The following UGT8 variants were observed in gnomAD, a reference collection of about 807,000 sequenced individuals.
UGT8 encodes 2-hydroxyacylsphingosine 1-beta-galactosyltransferase.
UGT8 carries 12 observed loss-of-function variants against 40.5 expected under a neutral mutation model. The observed-to-expected ratio is 0.30, with a 90% CI of 0.19 to 0.48. The LOEUF is 0.48. Among genes scored for constraint, UGT8 ranks in the 20% least tolerant of loss-of-function variants. The pLI is 0.99. For synonymous variants in UGT8, 224 were observed against 240.4 expected (o/e 0.93, Z 0.63); for missense variants, 513 against 648.7 (o/e 0.79, Z 2.27).
chr4:114,606,681 A>G (rs2126085348), intron 1 of UGT8, among the ~76,000 whole-genome samples: 1 of 152,320 alleles, frequency 6.6e-6, no homozygotes, highest in South Asian at 2.1e-4. Context: ...ATGTATCTTA[A>G]TGGAGATAAA....
Position 114,623,242 on chromosome 4 carries a change from A to G in UGT8, c.362A>G (p.His121Arg). 2 of 1,614,200 alleles carry G rather than the reference A, an allele frequency of 1.2e-6. No homozygotes were observed. Among genetic ancestry groups the G allele is most frequent in the Non-Finnish European group, 1.7e-6 (2 of 1,180,026 alleles). ...AACTGTGACCTGATGGTTGGCAACC[A>G]TGCCCTGATCCAGGGTCTGAAGAAA... ...TKNCDLMVGNHALIQGLKKEK... is the reference protein window; with the variant it reads ...TKNCDLMVGNRALIQGLKKEK... The change falls in exon 2 of 6, where the codon CAT becomes CGT. Residue 121 changes from histidine (H) to arginine (R), a missense_variant. Physicochemically the swap from His to Arg is conservative, Grantham distance 29 (BLOSUM62 0). Transcript: ENST00000310836.
At position 114,628,143 on chromosome 4, in the gene UGT8, T is replaced by A. The variant is rs878999492; in HGVS notation, c.822+4441T>A. Among the ~76,000 whole-genome samples, 16 of 152,128 alleles carry A rather than the reference T, an allele frequency of 1.1e-4. No individual in the cohort carries two copies. The East Asian group carries it at 2.7e-3, about 26-fold the overall frequency. On this transcript the variant is annotated intron_variant, in intron 2 of 5. Transcript: ENST00000310836. ...ATGCTAAGTTGTTGAGTTTTTTTTT[T>A]AATTTTTATTTTTTGAGATGGAGTC...
chr4:114,600,406 CA>C (rs950509759), intron 1 of UGT8, among the ~76,000 whole-genome samples: 2 of 152,100 alleles, frequency 1.3e-5, no homozygotes, highest in Non-Finnish European at 2.9e-5. Context: ...ATTTCATGTT[CA>C]AAAACGTCTA....
intron 1 of UGT8, among the ~76,000 whole-genome samples, chr4:114,620,990 A>G (rs752846998): frequency 6.6e-6 from 1 of 152,160 alleles, no homozygotes; most frequent in South Asian, 2.1e-4. Context: ...TGCATGAGCA[A>G]TTGTTTAGAT....
At chr4:114,637,215 A>G (rs1732938702) in intron 2 of UGT8, among the ~76,000 whole-genome samples, 1 of 152,128 alleles carries the variant, frequency 6.6e-6, no homozygotes, top group Admixed American at 6.6e-5. Context: ...GTAAGGCAGC[A>G]TTTTCATCTG....
At chr4:114,623,804 C>T (rs1015314235) in intron 2 of UGT8, 102 bp downstream of exon 2, 23 of 1,379,716 alleles carry the variant, frequency 1.7e-5, no homozygotes, top group Non-Finnish European at 1.9e-5. Context: ...TGTATATATA[C>T]AGTACACTAA....
rs545192003 is a variant in UGT8, at chr4:114,603,458, A to G, written c.-3+4484A>G. On this transcript the variant is annotated intron_variant, in intron 1 of 5. Transcript: ENST00000310836. ...TTAATAGGGAAACAGAGGCCTGGGGAGATCCTAAAATTTAAGAGTTGGGTA... is the reference window on the plus strand; with the variant it reads ...TTAATAGGGAAACAGAGGCCTGGGGGGATCCTAAAATTTAAGAGTTGGGTA... Among the ~76,000 whole-genome samples, 364 of 152,302 alleles carry G rather than the reference A, an allele frequency of 2.4e-3. 2 individuals are homozygous for G. Among genetic ancestry groups the G allele is most frequent in the African/African-American group, 8.4e-3 (349 of 41,560 alleles).
chr4:114,623,526 G>T lies in UGT8; in HGVS notation c.646G>T (p.Glu216Ter), dbSNP rs759658397. 6.2e-7 allele frequency: 1 copy of T among 1,614,116 alleles called. No homozygotes were observed. Reference sequence around the variant, plus strand: ...CAGCTTTCTGGTTCTTCCCAAATATGAAAGGATAATGCAGAAGTACAACCT... The same window carrying T: ...CAGCTTTCTGGTTCTTCCCAAATATTAAAGGATAATGCAGAAGTACAACCT... The part of the protein sequence containing the change: ...GVSFLVLPKY[E>*]RIMQKYNLLP... Residue 216 changes from glutamate (E) to a stop codon, truncating the protein, a stop_gained, in exon 2 of 6, where the codon GAA becomes TAA. Transcript: ENST00000310836. LOFTEE classifies it high-confidence loss of function.
Position 114,629,712 on chromosome 4 carries a change from A to G in UGT8, c.822+6010A>G, listed in dbSNP as rs372462674. ...ACAAAAATTTTCTAAGCAACATTGTAGTTTTTAATAGCTTGTCATCTGCTT... is the reference window on the plus strand; with the variant it reads ...ACAAAAATTTTCTAAGCAACATTGTGGTTTTTAATAGCTTGTCATCTGCTT... On this transcript the variant is annotated intron_variant, in intron 2 of 5. Coordinates refer to ENST00000310836, the MANE Select transcript of UGT8 (RefSeq NM_001128174.3). 2.5e-3 allele frequency among the ~76,000 whole-genome samples: 382 copies of G among 152,328 alleles called. 18 individuals carry two copies. The South Asian group carries it at 0.075, about 30-fold the overall frequency.
At chr4:114,656,313 G>A (rs1024351256) in intron 2 of UGT8, among the ~76,000 whole-genome samples, 3 of 152,008 alleles carry the variant, frequency 2.0e-5, no homozygotes, top group Non-Finnish European at 2.9e-5. Context: ...AAGAAAGGAG[G>A]CAGACAGATT....
At chr4:114,647,356 T>TTGTGTG (rs34575248) in intron 2 of UGT8, among the ~76,000 whole-genome samples, 21,906 of 143,078 alleles carry the variant, frequency 0.15, 2,077 homozygotes, top group South Asian at 0.21. Context: ...ATTAGCTCTT[T>TTGTGTG]TGTGTGTGTG....
intron 2 of UGT8, among the ~76,000 whole-genome samples, chr4:114,656,332 A>C (rs2126126493): frequency 6.6e-6 from 1 of 152,216 alleles, no homozygotes; most frequent in African/African-American, 2.4e-5. Flanking sequence ...TTAGCTAGCA[A>C]GACTGCCTTT....
chr4:114,676,362 T>A lies in UGT8; in HGVS notation c.*74T>A. ...TATTGCTATTATTTAGTCTAACAGC[T>A]ACTAAAAGTAAAACATCAGTAAACA... On this transcript the variant is annotated 3_prime_UTR_variant, in exon 6 of 6. Coordinates refer to ENST00000310836, the MANE Select transcript of UGT8 (RefSeq NM_001128174.3). 1.6e-6 allele frequency: 2 copies of A among 1,268,744 alleles called. No individual in the cohort carries two copies. The highest frequency in any genetic ancestry group is 2.2e-6 in the Non-Finnish European group (2 of 920,108). The allele number at this position is 1,268,744 out of a possible 1,614,324, so 78.6% of individuals were successfully genotyped here.
intron 1 of UGT8, among the ~76,000 whole-genome samples, chr4:114,615,445 G>C (rs1418716277): frequency 6.6e-6 from 1 of 152,042 alleles, no homozygotes; most frequent in African/African-American, 2.4e-5. Flanking sequence ...CCCACATCCT[G>C]GGAAACTTCC....
intron 2 of UGT8, among the ~76,000 whole-genome samples, chr4:114,652,678 T>C (rs1422302098): frequency 3.9e-5 from 6 of 152,038 alleles, no homozygotes; most frequent in Non-Finnish European, 2.9e-5. Flanking sequence ...TAAATCCAAA[T>C]TTTAGTTCCA....
At chr4:114,630,144 CT>C (rs35252705) in intron 2 of UGT8, among the ~76,000 whole-genome samples, 64,706 of 151,972 alleles carry the variant, frequency 0.43, 16,163 homozygotes, top group East Asian at 0.56. Flanking sequence ...TAAGCATGAG[CT>C]TGTGACAAAT....
chr4:114,606,445 A>G (rs1170390866), intron 1 of UGT8, among the ~76,000 whole-genome samples: 1 of 152,082 alleles, frequency 6.6e-6, no homozygotes, highest in East Asian at 1.9e-4. Flanking sequence ...TGTGTTTTAC[A>G]TAGATTTTGC....
In UGT8 at chr4:114,677,439, A is replaced by G. The variant is rs913483771; in HGVS notation, c.*1151A>G. ...AGATCTTGTTAACAAATCAGACTTTACACTATATACAGATGTGACAGATAA... is the reference window on the plus strand; with the variant it reads ...AGATCTTGTTAACAAATCAGACTTTGCACTATATACAGATGTGACAGATAA... On this transcript the variant is annotated 3_prime_UTR_variant, in exon 6 of 6. Transcript: ENST00000310836. The G allele has an allele frequency of 6.6e-6, 1 of 152,208 alleles. No individual in the cohort carries two copies. Among genetic ancestry groups the G allele is most frequent in the Non-Finnish European group, 1.5e-5 (1 of 68,048 alleles). The allele number at this position is 152,208 out of a possible 1,614,324, so 9.4% of individuals were successfully genotyped here.
rs1360619233 is a variant in UGT8, at chr4:114,668,289, T to C, written c.1247T>C (p.Val416Ala). Reference sequence around the variant, plus strand: ...GAGCTCTATGAAGCACTAGTGAAGGTTATCAATAATCCCAGGTAAGGTTTC... The same window carrying C: ...GAGCTCTATGAAGCACTAGTGAAGGCTATCAATAATCCCAGGTAAGGTTTC... The part of the protein sequence containing the change: ...EKELYEALVK[V>A]INNPSYRQRA... Residue 416 changes from valine to alanine, a missense_variant, in exon 5 of 6, where the codon GTT becomes GCT. Around this residue, in one of 3 missense-constraint regions of UGT8, gnomAD observed 175 missense variants for 186.7 expected, o/e 0.94. Transcript: ENST00000310836. The C allele has an allele frequency of 6.2e-7, 1 of 1,613,482 alleles. No individual in the cohort carries two copies. The highest frequency in any genetic ancestry group is 2.2e-5 in the East Asian group (1 of 44,832).
Sources: allele counts gnomAD v4.1 joint callset (sites outside exome capture counted in the v4.1 genomes callset), GRCh38; gene constraint gnomAD v4.1.1; regional missense constraint gnomAD v4.1.1; transcripts MANE v1.5; gene names NCBI Gene and HGNC (gene_info 2026-07-23, HGNC 2026-07-21).